TBC1D32: variants seen among roughly 807,000 people sequenced by gnomAD.
TBC1D32 encodes the protein protein broad-minded.
In TBC1D32, 151 loss-of-function variants were observed where a neutral mutation model predicts 170.3. The observed-to-expected ratio is 0.89, with a 90% CI of 0.78 to 1.01. TBC1D32 has a LOEUF of 1.01. Ranked by LOEUF, TBC1D32 falls within the 50% of genes least tolerant of loss-of-function variation. The pLI is 0.00. For missense variants in TBC1D32, 1,464 were observed against 1,457.1 expected, an observed-to-expected ratio of 1.00 and a Z score of -0.08; for synonymous variants, 498 against 488.0, an observed-to-expected ratio of 1.02 and a Z score of -0.27.
At chr6:121,130,101 C>G (rs1449719540) in intron 25 of TBC1D32, among the ~76,000 whole-genome samples, 3 of 152,046 alleles carry the variant, frequency 2.0e-5, no homozygotes, top group African/African-American at 7.2e-5. Context: ...TCACCTAATG[C>G]TCATTGCTAG....
intron 10 of TBC1D32, among the ~76,000 whole-genome samples, chr6:121,295,499 A>T (rs1349828403): frequency 5.3e-5 from 8 of 152,096 alleles, no homozygotes; most frequent in Admixed American, 3.3e-4. Context: ...AGAAAAATTT[A>T]AAAAATAGAC....
intron 31 of TBC1D32, among the ~76,000 whole-genome samples, chr6:121,083,700 G>A (rs191234437): frequency 6.6e-5 from 10 of 152,144 alleles, no homozygotes; most frequent in East Asian, 3.9e-4. Flanking sequence ...AAAGGAACAC[G>A]GGATTTGGAT....
chr6:121,145,938 T>C (rs1287151918), intron 24 of TBC1D32, among the ~76,000 whole-genome samples: 1 of 151,894 alleles, frequency 6.6e-6, no homozygotes, highest in Non-Finnish European at 1.5e-5. Flanking sequence ...GGTTAAAGAG[T>C]AGACATAGGG....
At chr6:121,195,901 G>A (rs1202161485) in intron 22 of TBC1D32, among the ~76,000 whole-genome samples, 1 of 152,220 alleles carries the variant, frequency 6.6e-6, no homozygotes, top group Non-Finnish European at 1.5e-5. Flanking sequence ...ACTTTGCATG[G>A]AAGGAGAAAT....
At chr6:121,259,680 T>C (rs909734410) in intron 15 of TBC1D32, among the ~76,000 whole-genome samples, 6 of 152,150 alleles carry the variant, frequency 3.9e-5, no homozygotes, top group East Asian at 1.9e-4. Context: ...ATTCAGGACA[T>C]AGAGAAACCT....
intron 20 of TBC1D32, 68 bp downstream of exon 20, chr6:121,239,002 G>T: frequency 1.2e-6 from 1 of 815,994 alleles, no homozygotes; most frequent in Non-Finnish European, 2.0e-6. Context: ...TATGGATAAA[G>T]TATGAACGAA....
chr6:121,252,580 G>C (rs1798440125), intron 17 of TBC1D32, among the ~76,000 whole-genome samples: 1 of 152,134 alleles, frequency 6.6e-6, no homozygotes, highest in Non-Finnish European at 1.5e-5. Context: ...GGGGTGGAGA[G>C]CCAGGGGAGG....
chr6:121,298,659 C>T (rs1232999028), intron 10 of TBC1D32, among the ~76,000 whole-genome samples: 1 of 151,872 alleles, frequency 6.6e-6, no homozygotes, highest in African/African-American at 2.4e-5. Flanking sequence ...TATTCAATAT[C>T]CCTCTCTTCT....
chr6:121,159,015 A>T (rs1464397063), intron 24 of TBC1D32, among the ~76,000 whole-genome samples: 1 of 152,162 alleles, frequency 6.6e-6, no homozygotes, highest in Admixed American at 6.5e-5. Flanking sequence ...CAACTACCAC[A>T]GTTCTCTGAC....
At chr6:121,183,138 C>T (rs1012681232) in intron 22 of TBC1D32, among the ~76,000 whole-genome samples, 2 of 151,800 alleles carry the variant, frequency 1.3e-5, no homozygotes, top group Non-Finnish European at 2.9e-5. Context: ...TCTGTCTATC[C>T]CACACAAAAA....
chr6:121,276,683 A>C (rs73526653), intron 15 of TBC1D32, among the ~76,000 whole-genome samples: 49 of 152,276 alleles, frequency 3.2e-4, no homozygotes, highest in Middle Eastern at 3.4e-3. Flanking sequence ...ATAAAGACGA[A>C]GATAAATTAA....
At chr6:121,209,816 A>T (rs6936507) in intron 21 of TBC1D32, among the ~76,000 whole-genome samples, 1 of 152,030 alleles carries the variant, frequency 6.6e-6, no homozygotes, top group African/African-American at 2.4e-5. Flanking sequence ...GGAGGACAGA[A>T]ACAGAGAGAC....
At chr6:121,097,453 C>T (rs1777552479) in intron 30 of TBC1D32, among the ~76,000 whole-genome samples, 1 of 152,180 alleles carries the variant, frequency 6.6e-6, no homozygotes, top group Admixed American at 6.6e-5. Flanking sequence ...AGTTCATTAT[C>T]ACTGGTCATT....
At chr6:121,252,223 G>A (rs1350478417) in intron 17 of TBC1D32, among the ~76,000 whole-genome samples, 1 of 152,092 alleles carries the variant, frequency 6.6e-6, no homozygotes, top group Non-Finnish European at 1.5e-5. Context: ...CCATTACTGG[G>A]TATATACCCG....
chr6:121,163,133 A>G (rs1174967402), intron 22 of TBC1D32: 3 of 1,730 alleles, frequency 1.7e-3, no homozygotes, highest in Admixed American at 6.4e-3. Flanking sequence ...CAAGGCGGCA[A>G]CGAGGCTGGG....
chr6:121,148,011 G>A (rs113038729), intron 24 of TBC1D32, among the ~76,000 whole-genome samples: 4 of 142,962 alleles, frequency 2.8e-5, no homozygotes, highest in African/African-American at 5.0e-5. Flanking sequence ...TATACTTTAA[G>A]TTCTGGGATA....
intron 18 of TBC1D32, among the ~76,000 whole-genome samples, chr6:121,241,774 A>C (rs1339364121): frequency 6.6e-6 from 1 of 152,216 alleles, no homozygotes; most frequent in African/African-American, 2.4e-5. Context: ...TAAAGACTAA[A>C]TTATATTGTA....
intron 22 of TBC1D32, among the ~76,000 whole-genome samples, chr6:121,198,848 G>C (rs913589701): frequency 6.6e-6 from 1 of 151,466 alleles, no homozygotes; most frequent in Admixed American, 6.6e-5. Context: ...AATTCAAATT[G>C]AAAGTTTAAT....
chr6:121,239,256 G>A (rs1238379969), intron 19 of TBC1D32, 68 bp from the exon 20 acceptor site: 19 of 926,624 alleles, frequency 2.1e-5, no homozygotes, highest in Non-Finnish European at 3.2e-5. Flanking sequence ...GGAAAGATAT[G>A]ATGATCCCTC....
Sources: allele counts gnomAD v4.1 joint callset (sites outside exome capture counted in the v4.1 genomes callset), GRCh38; gene constraint gnomAD v4.1.1; transcripts MANE v1.5; gene names NCBI Gene and HGNC (gene_info 2026-07-23, HGNC 2026-07-21).